ATXN1: variants seen among roughly 807,000 people sequenced by gnomAD.
The protein encoded by ATXN1 is ataxin 1, also known as ataxin-1.
In ATXN1, 8 loss-of-function variants were observed where a neutral mutation model predicts 56.4. The ratio of observed to expected loss-of-function variants is 0.14; its 90% CI spans 0.08 to 0.26. The LOEUF (loss-of-function observed/expected upper bound fraction) is 0.26. ATXN1 is among the 10% of genes least tolerant of loss of function. The pLI is 1.00. For missense variants in ATXN1, 987 were observed against 1,106.5 expected (o/e 0.89, Z 1.53); for synonymous variants, 514 against 494.6 (o/e 1.04, Z -0.52).
chr6:16,741,872 C>T (rs573204855), intron 2 of ATXN1, among the ~76,000 whole-genome samples: 1 of 152,314 alleles, frequency 6.6e-6, no homozygotes, highest in Non-Finnish European at 1.5e-5. Context: ...TATCTGTTTA[C>T]ACAGATTGTT....
chr6:16,676,969 T>C (rs1227061088), intron 2 of ATXN1, among the ~76,000 whole-genome samples: 1 of 152,188 alleles, frequency 6.6e-6, no homozygotes, highest in East Asian at 1.9e-4. Flanking sequence ...CTTTCAGATC[T>C]AGGCGTTTGT....
At position 16,752,989 on chromosome 6, in the gene ATXN1, C is replaced by T. The variant is rs114238249; in HGVS notation, c.-615+244G>A. ...CAAGCCCCAATTGGCAATTATCAATCATCGCAAAGTCAAATGAAAGTCTTC... is the reference window on the plus strand; with the variant it reads ...CAAGCCCCAATTGGCAATTATCAATTATCGCAAAGTCAAATGAAAGTCTTC... On this transcript the variant is annotated intron_variant, in intron 2 of 7. Coordinates refer to ENST00000436367, the MANE Select transcript of ATXN1 (RefSeq NM_001128164.2). 388 of 285,276 alleles carry T rather than the reference C, an allele frequency of 1.4e-3. 2 individuals are homozygous for T. The highest frequency in any genetic ancestry group is 8.0e-3 in the African/African-American group (359 of 44,814). The allele number at this position is 285,276 out of a possible 1,614,324, so 17.7% of individuals were successfully genotyped here.
intron 7 of ATXN1, among the ~76,000 whole-genome samples, chr6:16,313,655 C>T (rs1172556710): frequency 4.0e-5 from 6 of 151,430 alleles, no homozygotes; most frequent in Non-Finnish European, 8.8e-5. Context: ...CTCCTGGATT[C>T]GAGCGATTCT....
At chr6:16,525,479 T>C (rs1054481977) in intron 4 of ATXN1, among the ~76,000 whole-genome samples, 5 of 151,780 alleles carry the variant, frequency 3.3e-5, no homozygotes, top group Admixed American at 3.3e-4. Flanking sequence ...TCAAACCTAC[T>C]GAACTCATGG....
At chr6:16,389,402 C>T (rs900409643) in intron 6 of ATXN1, among the ~76,000 whole-genome samples, 11 of 151,258 alleles carry the variant, frequency 7.3e-5, no homozygotes, top group East Asian at 1.9e-4. Flanking sequence ...CAAATATACA[C>T]GGAAAATTTC....
chr6:16,756,008 C>A (rs944291459), intron 1 of ATXN1, among the ~76,000 whole-genome samples: 1 of 152,054 alleles, frequency 6.6e-6, no homozygotes, highest in African/African-American at 2.4e-5. Context: ...TAATTGTTCT[C>A]TCTAAACGTG....
chr6:16,385,812 A>G (rs1758229420), intron 6 of ATXN1, among the ~76,000 whole-genome samples: 1 of 152,254 alleles, frequency 6.6e-6, no homozygotes, highest in Non-Finnish European at 1.5e-5. Context: ...TTGTGAAAGA[A>G]GAGAAATAGC....
intron 6 of ATXN1, among the ~76,000 whole-genome samples, chr6:16,354,293 T>C (rs1484151802): frequency 2.0e-5 from 3 of 152,132 alleles, no homozygotes; most frequent in Non-Finnish European, 4.4e-5. Context: ...AGTCTCGCTC[T>C]GTCGCCCAGG....
intron 4 of ATXN1, among the ~76,000 whole-genome samples, chr6:16,573,701 C>A (rs1762372168): frequency 6.6e-6 from 1 of 152,214 alleles, no homozygotes; most frequent in Admixed American, 6.5e-5. Context: ...CAATCTCCAG[C>A]AATGCACATA....
chr6:16,484,735 T>C (rs1331309243), intron 6 of ATXN1, among the ~76,000 whole-genome samples: 1 of 152,200 alleles, frequency 6.6e-6, no homozygotes. Context: ...GAGGAGATGA[T>C]ATGGATACAT....
chr6:16,660,331 T>C (rs1758290197), intron 2 of ATXN1, among the ~76,000 whole-genome samples: 1 of 152,330 alleles, frequency 6.6e-6, no homozygotes, highest in South Asian at 2.1e-4. Flanking sequence ...TTCACAGATA[T>C]GCCTGCATAT....
chr6:16,639,654 C>G (rs569409403), intron 3 of ATXN1, among the ~76,000 whole-genome samples: 1 of 152,262 alleles, frequency 6.6e-6, no homozygotes, highest in East Asian at 1.9e-4. Flanking sequence ...TCCAAGGGGC[C>G]AGGGAAGTGC....
At chr6:16,691,696 A>G (rs1013020506) in intron 2 of ATXN1, among the ~76,000 whole-genome samples, 1 of 152,216 alleles carries the variant, frequency 6.6e-6, no homozygotes, top group Admixed American at 6.5e-5. Flanking sequence ...AAAAAAGCAA[A>G]TGTAGTTGAA....
intron 3 of ATXN1, among the ~76,000 whole-genome samples, chr6:16,616,689 T>A (rs1472347454): frequency 6.9e-6 from 1 of 144,684 alleles, no homozygotes; most frequent in African/African-American, 2.5e-5. Context: ...AATAATTATA[T>A]ATAATGGTCA....
intron 3 of ATXN1, among the ~76,000 whole-genome samples, chr6:16,587,332 CAAAGT>C (rs1361712007): frequency 1.3e-5 from 2 of 152,058 alleles, no homozygotes; most frequent in Non-Finnish European, 2.9e-5. Flanking sequence ...ATATGAATTC[CAAAGT>C]AAAGATATGA....
At chr6:16,389,406 A>T (rs1758308290) in intron 6 of ATXN1, among the ~76,000 whole-genome samples, 2 of 152,142 alleles carry the variant, frequency 1.3e-5, no homozygotes, top group African/African-American at 4.8e-5. Flanking sequence ...TATACACGGA[A>T]AATTTCCATG....
intron 4 of ATXN1, among the ~76,000 whole-genome samples, chr6:16,561,540 T>C (rs2113739424): frequency 6.6e-6 from 1 of 152,324 alleles, no homozygotes; most frequent in South Asian, 2.1e-4. Flanking sequence ...AGGACAGGGG[T>C]TAAATTCTCA....
At chr6:16,610,755 G>C (rs1286969095) in intron 3 of ATXN1, among the ~76,000 whole-genome samples, 1 of 152,044 alleles carries the variant, frequency 6.6e-6, no homozygotes, top group Non-Finnish European at 1.5e-5. Flanking sequence ...CCAGCACAGG[G>C]GCTCATCCCT....
rs1169139332 is a variant in ATXN1 at position 16,560,687 on chromosome 6, T to C, written c.-361+25093A>G. On this transcript the variant is annotated intron_variant, in intron 4 of 7. Coordinates refer to ENST00000436367, the MANE Select transcript of ATXN1 (RefSeq NM_001128164.2). ...CATTCTACCACTCCTGCAGAGATTC[T>C]TGTAGCAAATCCCTGGGTTTTTCAC... 2.6e-5 allele frequency among the ~76,000 whole-genome samples: 4 copies of C among 152,324 alleles called. No individual in the cohort carries two copies. In the East Asian group the frequency reaches 7.7e-4, roughly 29 times the overall value.
Sources: allele counts gnomAD v4.1 joint callset (sites outside exome capture counted in the v4.1 genomes callset), GRCh38; gene constraint gnomAD v4.1.1; transcripts MANE v1.5; gene names NCBI Gene and HGNC (gene_info 2026-07-23, HGNC 2026-07-21).